Variants in ALDH2 observed in about 807,000 individuals in gnomAD.
The protein encoded by ALDH2 is aldehyde dehydrogenase 2 family member.
In ALDH2, 44 loss-of-function variants were observed where a neutral mutation model predicts 59.6. The observed-to-expected ratio is 0.74, with a 90% CI of 0.58 to 0.95. The LOEUF (loss-of-function observed/expected upper bound fraction) is 0.95, where lower values mean the gene tolerates loss of function less well. Ranked by LOEUF, ALDH2 falls within the 40% of genes least tolerant of loss-of-function variation. The pLI is 0.00. For synonymous variants in ALDH2, 291 were observed against 284.0 expected (o/e 1.02, Z -0.25); for missense variants, 570 against 696.3 (o/e 0.82, Z 2.04).
At chr12:111,769,687 C>T (rs2068185185) in intron 1 of ALDH2, among the ~76,000 whole-genome samples, 3 of 151,886 alleles carry the variant, frequency 2.0e-5, no homozygotes, top group Admixed American at 2.0e-4. Flanking sequence ...TCATTTAACC[C>T]TTTCCAAGGA....
At position 111,791,333 on chromosome 12, in the gene ALDH2, A is replaced by G. The variant is rs529768244; in HGVS notation, c.709A>G (p.Ile237Val). 9.3e-6 allele frequency: 15 copies of G among 1,614,042 alleles called. No individual in the cohort carries two copies. In the Admixed American group the frequency reaches 1.5e-4, roughly 16 times the overall value. The change falls in exon 7 of 13, where the codon ATT becomes GTT. Residue 237 changes from isoleucine (I) to valine (V), a missense_variant. Ile to Val is a conservative substitution (Grantham distance 29). Coordinates refer to ENST00000261733, the MANE Select transcript of ALDH2 (RefSeq NM_000690.4). ...EAGFPPGVVN[I>V]VPGFGPTAGA... Reference sequence around the variant, plus strand: ...TGGCTTTCCCCCTGGTGTGGTCAACATTGTGCCTGGATTTGGCCCCACGGC... The same window carrying G: ...TGGCTTTCCCCCTGGTGTGGTCAACGTTGTGCCTGGATTTGGCCCCACGGC...
intron 12 of ALDH2, among the ~76,000 whole-genome samples, chr12:111,806,036 G>A (rs1440401600): frequency 2.8e-5 from 4 of 145,252 alleles, no homozygotes; most frequent in African/African-American, 7.7e-5. Flanking sequence ...AAAACAGGCC[G>A]GGCGCAGTGG....
At chr12:111,803,807 T>C in intron 11 of ALDH2, 52 bp from the exon 12 acceptor site, 1 of 1,334,484 alleles carries the variant, frequency 7.5e-7, no homozygotes, top group Non-Finnish European at 1.0e-6. Flanking sequence ...GTCCTGGGAG[T>C]GTAACCCATA....
At chr12:111,793,092 G>A (rs149766078) in intron 9 of ALDH2, among the ~76,000 whole-genome samples, 1 of 152,290 alleles carries the variant, frequency 6.6e-6, no homozygotes, top group African/African-American at 2.4e-5. Flanking sequence ...TTGGTCATCA[G>A]TAGAAGTGTA....
At chr12:111,798,744 C>G (rs1321414938) in intron 10 of ALDH2, among the ~76,000 whole-genome samples, 1 of 151,976 alleles carries the variant, frequency 6.6e-6, no homozygotes, top group Non-Finnish European at 1.5e-5. Context: ...CAGTTGCTCA[C>G]GCCTGTAATC....
intron 11 of ALDH2, among the ~76,000 whole-genome samples, 160 bp downstream of exon 11, chr12:111,800,223 C>T (rs2068440171): frequency 6.6e-6 from 1 of 152,128 alleles, no homozygotes; most frequent in Non-Finnish European, 1.5e-5. Flanking sequence ...TACCTCACCT[C>T]CGAAGGATCA....
intron 1 of ALDH2, among the ~76,000 whole-genome samples, chr12:111,778,023 A>G (rs2068245453): frequency 6.6e-6 from 1 of 152,128 alleles, no homozygotes. Context: ...CAGCCTGGGA[A>G]TATGATTCCT....
intron 11 of ALDH2, among the ~76,000 whole-genome samples, chr12:111,802,442 G>A (rs537564002): frequency 6.6e-5 from 10 of 150,960 alleles, no homozygotes; most frequent in East Asian, 2.0e-4. Flanking sequence ...TTAGCCGGGC[G>A]CAGTGGTGGG....
At chr12:111,788,197 C>G (rs1052988986) in intron 4 of ALDH2, among the ~76,000 whole-genome samples, 1 of 151,530 alleles carries the variant, frequency 6.6e-6, no homozygotes, top group Non-Finnish European at 1.5e-5. Context: ...GAGACAAGAG[C>G]GAGACTTCGT....
In ALDH2 at chr12:111,792,160, G is replaced by A. The variant is rs142271678; in HGVS notation, c.895G>A (p.Asp299Asn). The A allele has an allele frequency of 1.2e-4, 193 of 1,598,838 alleles. No homozygotes were observed. The highest frequency in any genetic ancestry group is 1.1e-3 in the African/African-American group (83 of 73,818). Residue 299 changes from aspartate (D) to asparagine (N), a missense_variant, in exon 8 of 13, where the codon GAT (aspartate) becomes AAT (asparagine). Physicochemically the swap from Asp to Asn is conservative, Grantham distance 23. Coordinates refer to ENST00000261733, the MANE Select transcript of ALDH2 (RefSeq NM_000690.4). ...KSPNIIMSDA[D>N]MDWAVEQAHF... The stretch of plus-strand genomic sequence containing the variant: ...CCCCAACATCATCATGTCAGATGCC[G>A]ATAGTGAGTTTCCAGCTGGAGAAGG...
rs2068250517 is a variant in ALDH2 at position 111,778,657 on chromosome 12, C to A, written c.115-3261C>A. On this transcript the variant is annotated intron_variant, in intron 1 of 12. Transcript: ENST00000261733. ...GACCATCTTGGCTAACTCGGTGAAA[C>A]CCCGTCTCTACTAAAAACACAGAAA... Among the ~76,000 whole-genome samples, 5 of 151,228 alleles carry A rather than the reference C, an allele frequency of 3.3e-5. No homozygotes were observed. The South Asian group carries it at 8.3e-4, about 25-fold the overall frequency.
At chr12:111,777,489 C>G (rs2136010368) in intron 1 of ALDH2, among the ~76,000 whole-genome samples, 1 of 152,250 alleles carries the variant, frequency 6.6e-6, no homozygotes, top group East Asian at 1.9e-4. Context: ...CCCTGCTGAC[C>G]CAAGTGCTTT....
At chr12:111,799,155 G>A (rs566970096) in intron 10 of ALDH2, among the ~76,000 whole-genome samples, 25 of 151,626 alleles carry the variant, frequency 1.6e-4, no homozygotes, top group Non-Finnish European at 1.3e-4. Context: ...GAGCCACCAC[G>A]CCCGGCTTAT....
rs779471378 is a variant in ALDH2 at position 111,811,845 on chromosome 12, TAA to T, written c.*2272_*2273del. The T allele has an allele frequency of 6.3e-6, 1 of 157,556 alleles. No individual in the cohort carries two copies. The highest frequency in any genetic ancestry group is 1.4e-5 in the Non-Finnish European group (1 of 71,830). 9.8% of individuals were successfully genotyped at this position (157,556 alleles called of 1,614,324 possible). On this transcript the variant is annotated 3_prime_UTR_variant, in exon 13 of 13. Transcript: ENST00000261733. ...GTGCGGAGACGAGAGATTGTAGAAA[TAA>T]AGACACAAGACAAAGAGGTAAAAGA... is the stretch of plus-strand genomic sequence containing the variant.
At chr12:111,790,705 C>T (rs2068351437) in intron 6 of ALDH2, 143 bp downstream of exon 6, 2 of 1,107,618 alleles carry the variant, frequency 1.8e-6, no homozygotes, top group Non-Finnish European at 2.6e-6. Flanking sequence ...GAGTGGCTCC[C>T]TCTTAGCTTT....
At position 111,790,505 on chromosome 12, in the gene ALDH2, G is replaced by A; in HGVS notation, c.624G>A (p.Met208Ile). The change falls in exon 6 of 13, where the codon ATG becomes ATA. Residue 208 changes from methionine (M) to isoleucine (I), a missense_variant. Transcript: ENST00000261733. Reference sequence around the variant, plus strand: ...TGGCAACTGGAAACGTGGTTGTGATGAAGGTAGCTGAGCAGACACCCCTCA... The same window carrying A: ...TGGCAACTGGAAACGTGGTTGTGATAAAGGTAGCTGAGCAGACACCCCTCA... ...PALATGNVVV[M>I]KVAEQTPLTA... is the part of the protein sequence containing the mutation. 2 of 1,614,194 alleles carry A rather than the reference G, an allele frequency of 1.2e-6. No homozygotes were observed. Among genetic ancestry groups the A allele is most frequent in the Middle Eastern group, 3.3e-4 (2 of 6,062 alleles).
At chr12:111,796,718 C>A (rs186880682) in intron 9 of ALDH2, among the ~76,000 whole-genome samples, 154 of 152,042 alleles carry the variant, frequency 1.0e-3, no homozygotes, top group African/African-American at 3.5e-3. Flanking sequence ...CTAGCCTGGG[C>A]AACATAGCAA....
chr12:111,798,894 A>G (rs945086499), intron 10 of ALDH2, among the ~76,000 whole-genome samples: 1 of 151,660 alleles, frequency 6.6e-6, no homozygotes, highest in Non-Finnish European at 1.5e-5. Flanking sequence ...TTGAAATCCC[A>G]GCTACTCTGG....
intron 9 of ALDH2, among the ~76,000 whole-genome samples, chr12:111,793,596 T>G (rs1431492662): frequency 6.6e-6 from 1 of 151,702 alleles, no homozygotes; most frequent in African/African-American, 2.4e-5. Context: ...TTTTTTTTTT[T>G]AATTTTTATT....
Sources: allele counts gnomAD v4.1 joint callset (sites outside exome capture counted in the v4.1 genomes callset), GRCh38; gene constraint gnomAD v4.1.1; transcripts MANE v1.5; gene names NCBI Gene and HGNC (gene_info 2026-07-23, HGNC 2026-07-21).